The following MYH9 variants were observed in gnomAD, a reference collection of about 807,000 sequenced individuals.
MYH9 encodes myosin-9.
A neutral mutation model predicts 241.9 loss-of-function variants in MYH9; 29 were observed. The ratio of observed to expected loss-of-function variants is 0.12; its 90% confidence interval spans 0.09 to 0.16. MYH9 has a LOEUF of 0.16. Ranked by LOEUF, MYH9 falls within the 10% of genes least tolerant of loss-of-function variation. The pLI, the probability that MYH9 is intolerant of heterozygous loss-of-function variation, is 1.00. For synonymous variants in MYH9, 1,047 were observed against 1,062.6 expected, an observed-to-expected ratio of 0.99 and a Z score of 0.29; for missense variants, 1,803 against 2,595.5, an observed-to-expected ratio of 0.69 and a Z score of 6.63.
rs1603482624 is a variant in MYH9 at position 36,281,451 on chromosome 22, C to A, written c.*1217G>T. On this transcript the variant is annotated 3_prime_UTR_variant, in exon 41 of 41. Transcript: ENST00000216181. ...CAGCAACTGGGACCTGAATTCAGAGCTTTGTAGGCATATGCAGCTTTTATA... is the reference window on the plus strand; with the variant it reads ...CAGCAACTGGGACCTGAATTCAGAGATTTGTAGGCATATGCAGCTTTTATA... 4.4e-6 allele frequency: 1 copy of A among 228,668 alleles called. No homozygotes were observed. The highest frequency in any genetic ancestry group is 8.7e-6 in the Non-Finnish European group (1 of 115,054). The allele number at this position is 228,668 out of a possible 1,614,324, so 14.2% of individuals were successfully genotyped here.
chr22:36,377,657 C>G (rs2018191110), intron 1 of MYH9, among the ~76,000 whole-genome samples: 1 of 152,120 alleles, frequency 6.6e-6, no homozygotes, highest in Non-Finnish European at 1.5e-5. Flanking sequence ...CGCCTGTAAT[C>G]TCAGCACTTT....
At chr22:36,316,035 C>CTTTTT (rs144026849) in intron 12 of MYH9, among the ~76,000 whole-genome samples, 1 of 116,984 alleles carries the variant, frequency 8.5e-6, no homozygotes, top group Non-Finnish European at 1.7e-5. Flanking sequence ...GAGACCCTGA[C>CTTTTT]TTTTTTTTTT....
rs1475932323 is a variant in MYH9, at chr22:36,305,070, T to C, written c.2192A>G (p.Lys731Arg). 6.2e-7 allele frequency: 1 copy of C among 1,614,058 alleles called. No individual in the cohort carries two copies. The highest frequency in any genetic ancestry group is 2.2e-5 in the East Asian group (1 of 44,876). ...CGCCTGCTTCCCGTCCATGAAACCCTTGGGAATGGAGTTTGGAGTCAGGAT... is the reference window on the plus strand; with the variant it reads ...CGCCTGCTTCCCGTCCATGAAACCCCTGGGAATGGAGTTTGGAGTCAGGAT... Reference protein sequence around the residue: ...YEILTPNSIPKGFMDGKQACV... With the variant: ...YEILTPNSIPRGFMDGKQACV... Residue 731 changes from lysine to arginine, a missense_variant, in exon 18 of 41, where the codon AAG (lysine) becomes AGG (arginine). Coordinates refer to ENST00000216181, the MANE Select transcript of MYH9 (RefSeq NM_002473.6). The surrounding 1 kb of genome is among the most constrained non-coding windows in gnomAD (Gnocchi z 4.7).
At position 36,301,036 on chromosome 22, in the gene MYH9, G is replaced by A. The variant is rs2016868693; in HGVS notation, c.2653C>T (p.Leu885=). The change falls in exon 22 of 41, where the codon CTG becomes TTG. Residue 885 remains leucine, a synonymous_variant. Coordinates refer to ENST00000216181, the MANE Select transcript of MYH9 (RefSeq NM_002473.6). ...QSQLMAEKLQ[L]QEQLQAETEL... is the part of the protein sequence containing the mutation. ...GTTTCTGCCTGGAGCTGCTCCTGCAGCTGCAATTTCTCTGCCATGAGCTGC... is the reference window on the plus strand; with the variant it reads ...GTTTCTGCCTGGAGCTGCTCCTGCAACTGCAATTTCTCTGCCATGAGCTGC... 3 of 1,610,698 alleles carry A rather than the reference G, an allele frequency of 1.9e-6. No homozygotes were observed. The highest frequency in any genetic ancestry group is 2.5e-6 in the Non-Finnish European group (3 of 1,180,022).
rs986274815 is a variant in MYH9 at position 36,285,064 on chromosome 22, G to C, written c.5483+57C>G. 16 of 1,545,144 alleles carry C rather than the reference G, an allele frequency of 1.0e-5. No individual in the cohort carries two copies. The highest frequency in any genetic ancestry group is 1.2e-5 in the Non-Finnish European group (14 of 1,125,768). On this transcript the variant is annotated intron_variant, in intron 38 of 40. Transcript: ENST00000216181. This position sits in a 1 kb window ranked among gnomAD's most constrained non-coding sequence, Gnocchi z 7.0. ...TGGCCCAGATTTGGGCAGGACTGCAGGGGGGCCAGAGTTTTTTCCAGGACA... is the reference window on the plus strand; with the variant it reads ...TGGCCCAGATTTGGGCAGGACTGCACGGGGGCCAGAGTTTTTTCCAGGACA...
chr22:36,326,560 G>A lies in MYH9; in HGVS notation c.612+8C>T, dbSNP rs376046610. ...GGCGGCCACAGGGACAAGGGCTGCA[G>A]CACTCACCTGGTCCTTCTTGCTCTT... On this transcript the variant is annotated splice_region_variant and intron_variant, in intron 5 of 40. Coordinates refer to ENST00000216181, the MANE Select transcript of MYH9 (RefSeq NM_002473.6). The A allele has an allele frequency of 1.2e-6, 2 of 1,613,334 alleles. No individual in the cohort carries two copies. Among genetic ancestry groups the A allele is most frequent in the South Asian group, 2.2e-5 (2 of 91,056 alleles).
At chr22:36,356,512 C>T (rs1046493782) in intron 1 of MYH9, among the ~76,000 whole-genome samples, 4 of 132,766 alleles carry the variant, frequency 3.0e-5, no homozygotes, top group Non-Finnish European at 6.1e-5. Flanking sequence ...ACCCAGGAGG[C>T]AGAGGTTGCA....
intron 1 of MYH9, among the ~76,000 whole-genome samples, chr22:36,359,997 C>T (rs926764240): frequency 1.3e-5 from 2 of 149,918 alleles, no homozygotes. Flanking sequence ...AAGCTGTTAG[C>T]ACCCCAATTT....
At chr22:36,318,995 C>T (rs1312507550) in intron 10 of MYH9, among the ~76,000 whole-genome samples, 1 of 152,122 alleles carries the variant, frequency 6.6e-6, no homozygotes, top group Admixed American at 6.6e-5. Context: ...AACTCCTGAC[C>T]TCGTGATCTG....
At position 36,292,173 on chromosome 22, in the gene MYH9, A is replaced by G. The variant is rs781318252; in HGVS notation, c.4157T>C (p.Val1386Ala). Residue 1386 changes from valine to alanine, a missense_variant, in exon 31 of 41, where the codon GTG (valine) becomes GCG (alanine). Val to Ala is a moderately conservative substitution (Grantham distance 64). Around this residue, in one of 11 missense-constraint regions of MYH9, gnomAD observed 876 missense variants for 1,077.8 expected, o/e 0.81. Transcript: ENST00000216181. ...SVGCLETAEE[V>A]KRKLQKDLEG... ...CAGGTCCTTCTGGAGCTTCCTCTTC[A>G]CCTCCTCAGCAGTTTCCAGGCACCC... 1.9e-6 allele frequency: 3 copies of G among 1,613,376 alleles called. No individual in the cohort carries two copies. Among genetic ancestry groups the G allele is most frequent in the Admixed American group, 1.7e-5 (1 of 59,940 alleles).
rs1312443523 is a variant in MYH9, at chr22:36,298,911, C to T, written c.3100+8G>A. ...CTGCCCATCACCTCCTGCTCGTCAC[C>T]CCCTCACCTTCCAAGTCAGTGATCA... On this transcript the variant is annotated splice_region_variant and intron_variant, in intron 24 of 40. Coordinates refer to ENST00000216181, the MANE Select transcript of MYH9 (RefSeq NM_002473.6). The T allele has an allele frequency of 1.2e-6, 2 of 1,613,552 alleles. No homozygotes were observed. Among genetic ancestry groups the T allele is most frequent in the African/African-American group, 1.3e-5 (1 of 74,896 alleles).
intron 10 of MYH9, among the ~76,000 whole-genome samples, chr22:36,318,751 G>A (rs2017201064): frequency 6.6e-6 from 1 of 152,106 alleles, no homozygotes; most frequent in Non-Finnish European, 1.5e-5. Flanking sequence ...AACAGCACAG[G>A]ATCCCACAGG....
chr22:36,294,332 G>A (rs375276445), intron 27 of MYH9, 34 bp from the exon 28 acceptor site: 3 of 1,604,256 alleles, frequency 1.9e-6, no homozygotes, highest in South Asian at 1.1e-5. Flanking sequence ...GTGAGTGGGG[G>A]CCTCCTGACA....
chr22:36,332,647 A>G (rs713659), intron 3 of MYH9, among the ~76,000 whole-genome samples: 66,207 of 131,166 alleles, frequency 0.5, 17,934 homozygotes, highest in Middle Eastern at 0.61. Flanking sequence ...CCCCCTCCAG[A>G]CACTCTGGAT....
At chr22:36,374,246 G>A (rs2018131976) in intron 1 of MYH9, among the ~76,000 whole-genome samples, 1 of 152,142 alleles carries the variant, frequency 6.6e-6, no homozygotes, top group South Asian at 2.1e-4. Flanking sequence ...AGCCAGGTAT[G>A]GTAGCTCAAG....
intron 12 of MYH9, 61 bp from the exon 13 acceptor site, chr22:36,314,379 C>T (rs1328719931): frequency 3.8e-6 from 6 of 1,598,814 alleles, no homozygotes. Context: ...GGCCCAGACA[C>T]CCCTTGAGAA....
At chr22:36,298,367 G>T (rs2016821184) in intron 24 of MYH9, among the ~76,000 whole-genome samples, 1 of 152,140 alleles carries the variant, frequency 6.6e-6, no homozygotes, top group Non-Finnish European at 1.5e-5. Context: ...CAGAGACAAG[G>T]CAGGATTTGT....
At chr22:36,378,385 G>A (rs1484936229) in intron 1 of MYH9, among the ~76,000 whole-genome samples, 1 of 152,154 alleles carries the variant, frequency 6.6e-6, no homozygotes, top group African/African-American at 2.4e-5. Flanking sequence ...AAACTAAGGC[G>A]AGCAGCAGGA....
chr22:36,302,273 C>G (rs1477079382), intron 20 of MYH9: 3 of 358,042 alleles, frequency 8.4e-6, no homozygotes, highest in East Asian at 1.2e-4. Flanking sequence ...GCAGCCCGGA[C>G]AAGTTTAAAA....
Sources: gnomAD v4.1 joint callset for allele counts (sites outside exome capture counted in the v4.1 genomes callset) on GRCh38, gnomAD v4.1.1 for gene constraint, gnomAD v4.1.1 regional missense constraint, Gnocchi (gnomAD v3.1) non-coding constraint, MANE v1.5 for transcripts, NCBI Gene and HGNC (gene_info 2026-07-23, HGNC 2026-07-21) for gene names.